The following PGM2L1 variants were observed in gnomAD, a reference collection of about 807,000 sequenced individuals.
PGM2L1 encodes the protein phosphoglucomutase 2 like 1, also known as glucose 1,6-bisphosphate synthase.
A neutral mutation model predicts 73.4 loss-of-function variants in PGM2L1; 35 were observed. The ratio of observed to expected loss-of-function variants is 0.48; its 90% CI spans 0.36 to 0.63. The LOEUF (loss-of-function observed/expected upper bound fraction) is 0.63, where lower values mean the gene tolerates loss of function less well. Ranked by LOEUF, PGM2L1 falls within the 30% of genes least tolerant of loss-of-function variation. The pLI is 0.00. For missense variants in PGM2L1, 570 were observed against 742.0 expected (o/e 0.77, Z 2.69); for synonymous variants, 225 against 253.8 (o/e 0.89, Z 1.08).
chr11:74,374,339 C>T lies in PGM2L1; in HGVS notation c.279+76G>A, dbSNP rs61288268. On this transcript the variant is annotated intron_variant, in intron 2 of 13. Transcript: ENST00000298198. ...CCTCGTGATCTGCCCGCCTCAGCCT[C>T]CCAAACTGCTGGGATTACAGGCATG... The T allele has an allele frequency of 0.16, 201,831 of 1,296,566 alleles. 17,166 individuals are homozygous for T. The highest frequency in any genetic ancestry group is 0.27 in the East Asian group (11,103 of 41,144). 80.3% of individuals were successfully genotyped at this position (1,296,566 alleles called of 1,614,324 possible). A position where few individuals can be genotyped will look rare whatever the true frequency, so the allele number is the denominator to read the frequency against.
At chr11:74,393,163 G>A (rs918624974) in intron 1 of PGM2L1, among the ~76,000 whole-genome samples, 39 of 152,152 alleles carry the variant, frequency 2.6e-4, no homozygotes, top group African/African-American at 9.2e-4. Context: ...AAGGAATAAG[G>A]ACTAGCATTT....
At chr11:74,388,402 C>T (rs1863045933) in intron 1 of PGM2L1, among the ~76,000 whole-genome samples, 1 of 152,050 alleles carries the variant, frequency 6.6e-6, no homozygotes, top group South Asian at 2.1e-4. Flanking sequence ...TCTTGGAGGT[C>T]CTTTTAATAC....
At chr11:74,385,057 CCTT>C (rs1863000575) in intron 1 of PGM2L1, among the ~76,000 whole-genome samples, 1 of 152,208 alleles carries the variant, frequency 6.6e-6, no homozygotes, top group African/African-American at 2.4e-5. Context: ...CCTGGAATTT[CCTT>C]CTTCTTCCAA....
chr11:74,382,842 C>G (rs1862966473), intron 1 of PGM2L1, among the ~76,000 whole-genome samples: 1 of 152,138 alleles, frequency 6.6e-6, no homozygotes, highest in Non-Finnish European at 1.5e-5. Flanking sequence ...CACCCAGGTT[C>G]CAGCAGAGGG....
At chr11:74,383,189 G>C (rs545850852) in intron 1 of PGM2L1, among the ~76,000 whole-genome samples, 6 of 152,030 alleles carry the variant, frequency 3.9e-5, no homozygotes, top group African/African-American at 1.4e-4. Flanking sequence ...AAATAAAAAG[G>C]CTGATGTAAT....
intron 1 of PGM2L1, among the ~76,000 whole-genome samples, chr11:74,382,317 T>C (rs1275919468): frequency 6.6e-6 from 1 of 152,120 alleles, no homozygotes; most frequent in Non-Finnish European, 1.5e-5. Flanking sequence ...TGGGGCCTAG[T>C]GGAGGCCATC....
At chr11:74,395,869 G>T (rs1863168078) in intron 1 of PGM2L1, among the ~76,000 whole-genome samples, 1 of 151,920 alleles carries the variant, frequency 6.6e-6, no homozygotes, top group Admixed American at 6.6e-5. Context: ...GCATTTTACA[G>T]GTTTCTTTAA....
At chr11:74,383,843 A>ATATATATATATATATATATATATATATC (rs398016660) in intron 1 of PGM2L1, among the ~76,000 whole-genome samples, 1 of 145,602 alleles carries the variant, frequency 6.9e-6, no homozygotes, top group African/African-American at 2.5e-5. Context: ...ATATATATAT[A>ATATATATATATATATATATATATATATC]ACATTTTCTT....
chr11:74,370,785 G>T, intron 4 of PGM2L1, 117 bp downstream of exon 4: 3 of 694,554 alleles, frequency 4.3e-6, no homozygotes, highest in South Asian at 4.0e-5. Context: ...TCCTTCCATT[G>T]GTCCCTTATA....
chr11:74,346,930 G>C (rs1862276032), intron 7 of PGM2L1, 101 bp from the exon 8 acceptor site: 2 of 1,072,350 alleles, frequency 1.9e-6, no homozygotes, highest in Non-Finnish European at 2.8e-6. Context: ...AATTTTAGAA[G>C]GCATAGAATT....
chr11:74,343,263 C>A, intron 10 of PGM2L1, 60 bp downstream of exon 10: 2 of 1,508,958 alleles, frequency 1.3e-6, no homozygotes, highest in Non-Finnish European at 1.8e-6. Context: ...ACTCCTCCTA[C>A]AGAATTACAT....
chr11:74,338,614 GCAA>G lies in PGM2L1; in HGVS notation c.1633-16_1633-14del, dbSNP rs1394062530. On this transcript the variant is annotated splice_polypyrimidine_tract_variant and intron_variant, in intron 12 of 13. Coordinates refer to ENST00000298198, the MANE Select transcript of PGM2L1 (RefSeq NM_173582.6). ...TCACAGGCAGCACCTATGCAAAATGGCAACAACAGCTTAATTATACTTGGCATC... is the reference window on the plus strand; with the variant it reads ...TCACAGGCAGCACCTATGCAAAATGGCAACAGCTTAATTATACTTGGCATC... 1.9e-6 allele frequency: 3 copies of G among 1,571,060 alleles called. No homozygotes were observed. The highest frequency in any genetic ancestry group is 1.7e-4 in the Middle Eastern group (1 of 5,920).
chr11:74,383,531 A>G (rs764521802), intron 1 of PGM2L1, among the ~76,000 whole-genome samples: 1 of 151,888 alleles, frequency 6.6e-6, no homozygotes, highest in Non-Finnish European at 1.5e-5. Flanking sequence ...GGTCTGCTGC[A>G]CCTATCAACC....
chr11:74,342,779 C>G, intron 11 of PGM2L1, 106 bp downstream of exon 11: 2 of 1,396,744 alleles, frequency 1.4e-6, no homozygotes, highest in Admixed American at 2.5e-5. Flanking sequence ...AATTTTAATA[C>G]TTTTTAAAAA....
At chr11:74,343,171 T>C in intron 10 of PGM2L1, 152 bp downstream of exon 10, 1 of 1,320,888 alleles carries the variant, frequency 7.6e-7, no homozygotes, top group African/African-American at 1.5e-5. Context: ...CGTTCTTTTT[T>C]TTTTCTGATA....
At chr11:74,362,513 A>C (rs1862580986) in intron 5 of PGM2L1, among the ~76,000 whole-genome samples, 1 of 152,240 alleles carries the variant, frequency 6.6e-6, no homozygotes, top group South Asian at 2.1e-4. Flanking sequence ...AGCTAACATC[A>C]TAATGACAGG....
intron 1 of PGM2L1, among the ~76,000 whole-genome samples, chr11:74,381,488 G>A (rs552184117): frequency 2.6e-5 from 4 of 151,960 alleles, no homozygotes; most frequent in East Asian, 1.9e-4. Context: ...GGGCTGTAAC[G>A]TGAGCAAGAA....
chr11:74,374,657 A>G, intron 1 of PGM2L1, 75 bp from the exon 2 acceptor site: 1 of 1,249,490 alleles, frequency 8.0e-7, no homozygotes, highest in Non-Finnish European at 1.1e-6. Flanking sequence ...TGAGGGGTCA[A>G]TATGTACATA....
chr11:74,339,534 C>T (rs1862152263), intron 12 of PGM2L1, among the ~76,000 whole-genome samples: 1 of 152,102 alleles, frequency 6.6e-6, no homozygotes, highest in African/African-American at 2.4e-5. Flanking sequence ...AGAGATCTTC[C>T]CTTCTTTTTC....
Sources: allele counts gnomAD v4.1 joint callset (sites outside exome capture counted in the v4.1 genomes callset), GRCh38; gene constraint gnomAD v4.1.1; transcripts MANE v1.5; gene names NCBI Gene and HGNC (gene_info 2026-07-23, HGNC 2026-07-21).